Variants in SGCZ observed in about 807,000 individuals in gnomAD.
SGCZ encodes zeta-sarcoglycan.
In SGCZ, 40 loss-of-function variants were observed where a neutral mutation model predicts 41.3. The observed-to-expected ratio is 0.97, with a 90% CI of 0.75 to 1.26. The LOEUF is 1.26. Among genes scored for constraint, SGCZ ranks in the 50% most tolerant of loss-of-function variants. The probability of loss-of-function intolerance (pLI) is 0.00; values close to 1 mark genes in which losing one functional copy is unlikely to be tolerated. For missense variants in SGCZ, 552 were observed against 369.8 expected, an observed-to-expected ratio of 1.49 and a Z score of -4.04; for synonymous variants, 206 against 137.5, an observed-to-expected ratio of 1.50 and a Z score of -3.49.
At chr8:14,865,642 C>G (rs191510020) in intron 1 of SGCZ, among the ~76,000 whole-genome samples, 96 of 152,186 alleles carry the variant, frequency 6.3e-4, no homozygotes, top group African/African-American at 2.1e-3. Flanking sequence ...GCGCTCACTT[C>G]AATTACATAA....
chr8:14,290,283 G>T (rs1800794570), intron 3 of SGCZ, among the ~76,000 whole-genome samples: 1 of 151,766 alleles, frequency 6.6e-6, no homozygotes, highest in East Asian at 1.9e-4. Flanking sequence ...TCTAGGCAAG[G>T]ATCTTTTGTA....
chr8:14,319,561 T>C (rs1467843253), intron 3 of SGCZ: 1 of 151,784 alleles, frequency 6.6e-6, no homozygotes. Flanking sequence ...ACAAAACTAA[T>C]TAAGAATACT....
At chr8:15,148,023 C>T (rs1799082522) in intron 1 of SGCZ, among the ~76,000 whole-genome samples, 2 of 151,444 alleles carry the variant, frequency 1.3e-5, no homozygotes, top group Admixed American at 6.6e-5. Flanking sequence ...TCCAAATTTA[C>T]ATTTTCTCTC....
rs1413765138 is a variant in SGCZ at position 14,088,919 on chromosome 8, A to AG, written c.*1523dup. On this transcript the variant is annotated 3_prime_UTR_variant, in exon 8 of 8. Transcript: ENST00000382080. Reference sequence around the variant, plus strand: ...GACTCTACAGCCATTAATCCCCAAAAGGAAGTTTCAACACAAATGTTGATA... The same window carrying AG: ...GACTCTACAGCCATTAATCCCCAAAAGGGAAGTTTCAACACAAATGTTGATA... Among the ~76,000 whole-genome samples the AG allele has an allele frequency of 6.6e-6, 1 of 151,936 alleles. No homozygotes were observed. Among genetic ancestry groups the AG allele is most frequent in the Non-Finnish European group, 1.5e-5 (1 of 67,922 alleles).
intron 3 of SGCZ, among the ~76,000 whole-genome samples, chr8:14,270,905 G>C (rs148616045): frequency 4.8e-4 from 73 of 152,228 alleles, no homozygotes; most frequent in Middle Eastern, 3.4e-3. Context: ...TAGGGACATG[G>C]ATGAAGCTGG....
rs544302856 is a variant in SGCZ, at chr8:14,105,426, T to G, written c.620+2737A>C. On this transcript the variant is annotated intron_variant, in intron 6 of 7. Coordinates refer to ENST00000382080, the MANE Select transcript of SGCZ (RefSeq NM_139167.4). ...GGCTACTTACTCCCTAAATTAACAT[T>G]TTATTGACTTGGCCAACCAATGAAA... Among the ~76,000 whole-genome samples, 5 of 152,192 alleles carry G rather than the reference T, an allele frequency of 3.3e-5. No individual in the cohort carries two copies. In the East Asian group the frequency reaches 7.7e-4, roughly 23 times the overall value.
chr8:14,142,632 G>A (rs531103957), intron 5 of SGCZ, among the ~76,000 whole-genome samples: 1 of 152,208 alleles, frequency 6.6e-6, no homozygotes, highest in South Asian at 2.1e-4. Flanking sequence ...TTTCAAGACA[G>A]GTGGAGGTGA....
chr8:15,168,710 C>T (rs1799739112), intron 1 of SGCZ, among the ~76,000 whole-genome samples: 1 of 152,214 alleles, frequency 6.6e-6, no homozygotes, highest in African/African-American at 2.4e-5. Context: ...TCCTGAACCC[C>T]TGGGACTCCT....
At position 14,254,099 on chromosome 8, in the gene SGCZ, A is replaced by G. The variant is rs184342736; in HGVS notation, c.337-16420T>C. ...AAATTGGGCACTAAAATCCATTAAC[A>G]GAACTGAAGACTTTTTAAACCATGA... is the stretch of plus-strand genomic sequence containing the variant. On this transcript the variant is annotated intron_variant, in intron 3 of 7. Transcript: ENST00000382080. 1.6e-3 allele frequency among the ~76,000 whole-genome samples: 237 copies of G among 152,278 alleles called. 1 individual carries two copies. The highest frequency in any genetic ancestry group is 5.4e-3 in the African/African-American group (223 of 41,564).
At chr8:15,118,594 T>A (rs544692964) in intron 1 of SGCZ, among the ~76,000 whole-genome samples, 1 of 152,248 alleles carries the variant, frequency 6.6e-6, no homozygotes, top group Admixed American at 6.5e-5. Flanking sequence ...GCCATTTGAA[T>A]GGGTAGTTCA....
intron 1 of SGCZ, among the ~76,000 whole-genome samples, chr8:15,205,295 GA>G (rs1563182927): frequency 6.6e-6 from 1 of 152,058 alleles, no homozygotes; most frequent in Non-Finnish European, 1.5e-5. Context: ...ACAGAAAAAG[GA>G]ACTATCAACA....
intron 5 of SGCZ, among the ~76,000 whole-genome samples, chr8:14,142,032 C>G (rs1036715148): frequency 1.3e-5 from 2 of 152,098 alleles, no homozygotes; most frequent in Admixed American, 6.5e-5. Context: ...ATGGATGAAG[C>G]TGGAAACCAT....
intron 3 of SGCZ, 92 bp from the exon 4 acceptor site, chr8:14,237,771 A>C: frequency 8.1e-7 from 1 of 1,227,414 alleles, no homozygotes; most frequent in Non-Finnish European, 1.2e-6. Flanking sequence ...TATTCTGAAA[A>C]ATTTAATTTG....
chr8:14,581,562 G>A, intron 1 of SGCZ, among the ~76,000 whole-genome samples: 1 of 151,930 alleles, frequency 6.6e-6, no homozygotes, highest in East Asian at 1.9e-4. Context: ...AAACACCTGG[G>A]AATGGCATAG....
At chr8:14,518,912 T>G (rs1341159853) in intron 2 of SGCZ, among the ~76,000 whole-genome samples, 1 of 73,578 alleles carries the variant, frequency 1.4e-5, no homozygotes, top group Admixed American at 1.3e-4. Flanking sequence ...AAAAAAAAAA[T>G]ACAAAAATTA....
At chr8:14,932,986 A>C (rs1435588493) in intron 1 of SGCZ, among the ~76,000 whole-genome samples, 1 of 152,024 alleles carries the variant, frequency 6.6e-6, no homozygotes, top group African/African-American at 2.4e-5. Context: ...GCTTATAAGT[A>C]GGACCTAAAT....
At chr8:14,141,523 C>A (rs186269967) in intron 5 of SGCZ, among the ~76,000 whole-genome samples, 1 of 152,316 alleles carries the variant, frequency 6.6e-6, no homozygotes, top group Non-Finnish European at 1.5e-5. Flanking sequence ...ACAGACACTT[C>A]TCAAAAGAAG....
At chr8:14,288,191 T>C (rs2116936630) in intron 3 of SGCZ, among the ~76,000 whole-genome samples, 1 of 152,226 alleles carries the variant, frequency 6.6e-6, no homozygotes, top group Admixed American at 6.6e-5. Context: ...ACTCTTACTT[T>C]TTCAGTGTAT....
intron 1 of SGCZ, among the ~76,000 whole-genome samples, chr8:14,592,027 C>A (rs796338032): frequency 5.3e-5 from 8 of 152,222 alleles, no homozygotes; most frequent in African/African-American, 1.9e-4. Context: ...AAAGCTGCTG[C>A]ATTAAATATT....
Sources: allele counts gnomAD v4.1 joint callset (sites outside exome capture counted in the v4.1 genomes callset), GRCh38; gene constraint gnomAD v4.1.1; transcripts MANE v1.5; gene names NCBI Gene and HGNC (gene_info 2026-07-23, HGNC 2026-07-21).